Variants in ADCY10 observed in about 807,000 individuals in gnomAD.
ADCY10 encodes adenylate cyclase type 10.
In ADCY10, 156 loss-of-function variants were observed where a neutral mutation model predicts 183.3. That is an observed-to-expected ratio of 0.85 (90% CI 0.75 to 0.97). The LOEUF is 0.97. ADCY10 is among the 50% of genes least tolerant of loss of function. The pLI, the probability that ADCY10 is intolerant of heterozygous loss-of-function variation, is 0.00. For missense variants in ADCY10, 1,745 were observed against 1,934.3 expected (o/e 0.90, Z 1.84); for synonymous variants, 645 against 670.0 (o/e 0.96, Z 0.58).
intron 5 of ADCY10, among the ~76,000 whole-genome samples, chr1:167,900,038 C>A (rs995424189): frequency 4.6e-5 from 7 of 152,162 alleles, no homozygotes; most frequent in African/African-American, 1.7e-4. Context: ...TTTTAGACAA[C>A]AAAGGGTGGG....
At chr1:167,895,716 T>C (rs570674034) in intron 7 of ADCY10, among the ~76,000 whole-genome samples, 6 of 152,336 alleles carry the variant, frequency 3.9e-5, no homozygotes, top group South Asian at 4.1e-4. Flanking sequence ...ACTCGGGTGA[T>C]GTAAGCAACT....
intron 2 of ADCY10, chr1:167,904,621 C>G: frequency 7.7e-6 from 4 of 520,114 alleles, no homozygotes; most frequent in Non-Finnish European, 1.4e-5. Flanking sequence ...GAAGAGGTGG[C>G]AAGTTTATTA....
Position 167,809,574 on chromosome 1 carries a change from GAA to G in ADCY10, c.*102_*103del, listed in dbSNP as rs1484521789. On this transcript the variant is annotated 3_prime_UTR_variant, in exon 33 of 33. Transcript: ENST00000367851. The stretch of plus-strand genomic sequence containing the variant: ...CATGTCTGTTTCTGTGTCTGGAACA[GAA>G]GAGATTATGTAGGAACCTGGAGTGG... 1 of 1,248,988 alleles carries G rather than the reference GAA, an allele frequency of 8.0e-7. No individual in the cohort carries two copies. Among genetic ancestry groups the G allele is most frequent in the Non-Finnish European group, 1.2e-6 (1 of 853,984 alleles). 77.4% of individuals were successfully genotyped at this position (1,248,988 alleles called of 1,614,324 possible). A position where few individuals can be genotyped will look rare whatever the true frequency, so the allele number is the denominator to read the frequency against.
At chr1:167,849,226 A>C (rs1370277816) in intron 18 of ADCY10, among the ~76,000 whole-genome samples, 2 of 152,208 alleles carry the variant, frequency 1.3e-5, no homozygotes, top group Non-Finnish European at 2.9e-5. Context: ...TTACAAACAC[A>C]TTCTGTGAGG....
At chr1:167,883,027 C>T (rs533989627) in intron 9 of ADCY10, among the ~76,000 whole-genome samples, 1 of 152,122 alleles carries the variant, frequency 6.6e-6, no homozygotes, top group Non-Finnish European at 1.5e-5. Context: ...GACTGGCCTT[C>T]TAGGTTAAAT....
At chr1:167,895,400 A>G (rs928142760) in intron 7 of ADCY10, among the ~76,000 whole-genome samples, 1 of 152,014 alleles carries the variant, frequency 6.6e-6, no homozygotes, top group Admixed American at 6.6e-5. Flanking sequence ...TCCCCACCCC[A>G]CTGCCTATTG....
At chr1:167,836,192 G>A in intron 23 of ADCY10, 117 bp downstream of exon 23, 4 of 733,858 alleles carry the variant, frequency 5.5e-6, no homozygotes, top group Non-Finnish European at 7.5e-6. Flanking sequence ...AGTGGAAAGG[G>A]GTGCTGTCGG....
At chr1:167,863,369 A>G (rs901367779) in intron 14 of ADCY10, among the ~76,000 whole-genome samples, 1 of 152,116 alleles carries the variant, frequency 6.6e-6, no homozygotes, top group Non-Finnish European at 1.5e-5. Flanking sequence ...AGCCCCTGTC[A>G]CGTACCCCCT....
intron 18 of ADCY10, among the ~76,000 whole-genome samples, chr1:167,851,991 A>T (rs1208668383): frequency 1.3e-5 from 2 of 152,276 alleles, no homozygotes; most frequent in East Asian, 3.9e-4. Context: ...TTCACCTAAC[A>T]TGCAATTAAT....
chr1:167,848,527 A>T (rs764574843), intron 18 of ADCY10, 38 bp from the exon 19 acceptor site: 1 of 1,611,478 alleles, frequency 6.2e-7, no homozygotes, highest in South Asian at 1.1e-5. Flanking sequence ...TTGAGTCATT[A>T]TCCTGTCTTA....
At chr1:167,858,294 T>C (rs1022072836) in intron 16 of ADCY10, among the ~76,000 whole-genome samples, 1 of 151,670 alleles carries the variant, frequency 6.6e-6, no homozygotes. Context: ...GGTCAGGAGT[T>C]TGAGAACAGC....
At chr1:167,884,501 C>A (rs2102281311) in intron 8 of ADCY10, among the ~76,000 whole-genome samples, 1 of 152,248 alleles carries the variant, frequency 6.6e-6, no homozygotes, top group African/African-American at 2.4e-5. Context: ...GGATACAAAT[C>A]CAAACCATAT....
intron 21 of ADCY10, 80 bp from the exon 22 acceptor site, chr1:167,837,398 T>C: frequency 1.5e-6 from 2 of 1,309,920 alleles, no homozygotes; most frequent in East Asian, 2.3e-5. Context: ...CCCAAGACTC[T>C]TGTTCCCTTT....
intron 8 of ADCY10, among the ~76,000 whole-genome samples, chr1:167,888,393 AG>A (rs1279071958): frequency 6.6e-6 from 1 of 152,062 alleles, no homozygotes. Context: ...CCAATCTATA[AG>A]CATGGAATAT....
At chr1:167,836,284 G>A in intron 23 of ADCY10, 25 bp downstream of exon 23, 3 of 1,484,464 alleles carry the variant, frequency 2.0e-6, no homozygotes, top group Non-Finnish European at 2.8e-6. Context: ...CTAGGGTGGA[G>A]GTGGTCTGGG....
At chr1:167,835,286 C>T (rs536554253) in intron 23 of ADCY10, among the ~76,000 whole-genome samples, 1 of 152,298 alleles carries the variant, frequency 6.6e-6, no homozygotes, top group East Asian at 1.9e-4. Context: ...CTGGCCTTTA[C>T]CCTTCTGTGT....
At chr1:167,905,239 T>C (rs1669734266) in intron 1 of ADCY10, 41 bp from the exon 2 acceptor site, 5 of 1,369,520 alleles carry the variant, frequency 3.7e-6, no homozygotes, top group Non-Finnish European at 5.2e-6. Context: ...GATATATTCA[T>C]TTGCTCATTT....
At chr1:167,848,987 T>C (rs1266386603) in intron 18 of ADCY10, among the ~76,000 whole-genome samples, 4 of 152,184 alleles carry the variant, frequency 2.6e-5, no homozygotes, top group Admixed American at 1.3e-4. Context: ...AAAATCTAGA[T>C]GTACTCAAAA....
intron 14 of ADCY10, among the ~76,000 whole-genome samples, chr1:167,867,822 C>G (rs779530506): frequency 6.6e-6 from 1 of 151,748 alleles, no homozygotes; most frequent in Non-Finnish European, 1.5e-5. Context: ...ATATCTGCCA[C>G]GAATTAAGCT....
Sources: allele counts gnomAD v4.1 joint callset (sites outside exome capture counted in the v4.1 genomes callset), GRCh38; gene constraint gnomAD v4.1.1; transcripts MANE v1.5; gene names NCBI Gene and HGNC (gene_info 2026-07-23, HGNC 2026-07-21).